Variants in INPP4B observed in about 807,000 individuals in gnomAD.
INPP4B encodes the protein inositol polyphosphate-4-phosphatase type II B.
A neutral mutation model predicts 122.5 loss-of-function variants in INPP4B; 55 were observed. The observed-to-expected ratio is 0.45, with a 90% CI of 0.36 to 0.56. INPP4B has a LOEUF of 0.56. Ranked by LOEUF, INPP4B falls within the 20% of genes least tolerant of loss-of-function variation. The probability of loss-of-function intolerance (pLI) is 0.00; values close to 1 mark genes in which losing one functional copy is unlikely to be tolerated. For synonymous variants in INPP4B, 403 were observed against 388.7 expected (o/e 1.04, Z -0.43); for missense variants, 1,000 against 1,097.7 (o/e 0.91, Z 1.26).
intron 23 of INPP4B, among the ~76,000 whole-genome samples, chr4:142,092,096 G>C (rs1049915520): frequency 2.6e-5 from 4 of 152,150 alleles, no homozygotes; most frequent in African/African-American, 9.7e-5. Flanking sequence ...ACTGTTTTAA[G>C]GATATGCAAG....
intron 9 of INPP4B, among the ~76,000 whole-genome samples, chr4:142,279,129 T>TA (rs1399124834): frequency 6.6e-6 from 1 of 151,870 alleles, no homozygotes; most frequent in Non-Finnish European, 1.5e-5. Context: ...AAACTATAAA[T>TA]ACTAATAAAA....
intron 3 of INPP4B, among the ~76,000 whole-genome samples, chr4:142,443,908 T>C (rs1348047435): frequency 6.6e-6 from 1 of 151,928 alleles, no homozygotes; most frequent in Non-Finnish European, 1.5e-5. Context: ...GATGAAAAAG[T>C]GTCAAAAGCA....
At chr4:142,362,053 A>G (rs1785602218) in intron 7 of INPP4B, among the ~76,000 whole-genome samples, 1 of 151,730 alleles carries the variant, frequency 6.6e-6, no homozygotes, top group South Asian at 2.1e-4. Flanking sequence ...TAAGTATGAC[A>G]CAGATGTTAG....
intron 8 of INPP4B, among the ~76,000 whole-genome samples, chr4:142,313,251 T>C (rs1766248054): frequency 6.6e-6 from 1 of 152,044 alleles, no homozygotes; most frequent in African/African-American, 2.4e-5. Context: ...CAAGGGGGAT[T>C]CAACACAAGA....
intron 3 of INPP4B, among the ~76,000 whole-genome samples, chr4:142,453,352 T>G (rs1814717400): frequency 6.6e-6 from 1 of 152,170 alleles, no homozygotes; most frequent in Admixed American, 6.6e-5. Context: ...CATCACAAAT[T>G]ATTAATTCCT....
chr4:142,554,452 T>C (rs910767363), intron 2 of INPP4B, among the ~76,000 whole-genome samples: 2 of 151,778 alleles, frequency 1.3e-5, no homozygotes, highest in African/African-American at 2.4e-5. Context: ...TCAGTAGGAA[T>C]ATAAAGCAAC....
At chr4:142,461,253 T>G (rs758158754) in intron 3 of INPP4B, among the ~76,000 whole-genome samples, 1 of 152,308 alleles carries the variant, frequency 6.6e-6, no homozygotes, top group East Asian at 1.9e-4. Flanking sequence ...TTACCCCAAG[T>G]CATTTGCCTT....
At chr4:142,356,175 A>G (rs1166523348) in intron 7 of INPP4B, among the ~76,000 whole-genome samples, 4 of 150,592 alleles carry the variant, frequency 2.7e-5, no homozygotes, top group African/African-American at 7.3e-5. Context: ...TTAATCTAGA[A>G]AATGTACAAA....
intron 2 of INPP4B, among the ~76,000 whole-genome samples, chr4:142,520,024 G>C (rs1373518112): frequency 6.6e-6 from 1 of 151,538 alleles, no homozygotes; most frequent in Non-Finnish European, 1.5e-5. Flanking sequence ...TGAAAATCTG[G>C]GTTCTAAATT....
At chr4:142,489,306 T>A (rs1041021917) in intron 2 of INPP4B, among the ~76,000 whole-genome samples, 1 of 152,192 alleles carries the variant, frequency 6.6e-6, no homozygotes, top group African/African-American at 2.4e-5. Flanking sequence ...GTGCTCTATA[T>A]GTACCTGAGA....
intron 1 of INPP4B, among the ~76,000 whole-genome samples, chr4:142,755,585 T>C (rs566983793): frequency 2.6e-5 from 4 of 152,178 alleles, no homozygotes; most frequent in African/African-American, 9.6e-5. Flanking sequence ...TGAGCAAGGA[T>C]GGAATACTCT....
chr4:142,288,852 C>T (rs1032274408), intron 9 of INPP4B, among the ~76,000 whole-genome samples: 5 of 152,036 alleles, frequency 3.3e-5, no homozygotes, highest in South Asian at 2.1e-4. Context: ...AATGAGACAA[C>T]GTGTACAAAC....
intron 11 of INPP4B, among the ~76,000 whole-genome samples, chr4:142,253,252 A>G (rs910761531): frequency 6.6e-6 from 1 of 152,190 alleles, no homozygotes; most frequent in Non-Finnish European, 1.5e-5. Flanking sequence ...AAGTCCTAGA[A>G]CATTACCACA....
At chr4:142,782,966 G>C (rs928700512) in intron 1 of INPP4B, among the ~76,000 whole-genome samples, 25 of 152,140 alleles carry the variant, frequency 1.6e-4, no homozygotes, top group African/African-American at 5.5e-4. Context: ...GCCATATGTA[G>C]AAAGCTGAAA....
intron 2 of INPP4B, among the ~76,000 whole-genome samples, chr4:142,704,688 G>A (rs1288935808): frequency 3.9e-5 from 6 of 152,050 alleles, no homozygotes; most frequent in East Asian, 3.9e-4. Flanking sequence ...CATCTTTCAC[G>A]TTCTTTTCTA....
chr4:142,258,090 C>T (rs1737410393), intron 11 of INPP4B, among the ~76,000 whole-genome samples: 1 of 151,788 alleles, frequency 6.6e-6, no homozygotes, highest in African/African-American at 2.4e-5. Context: ...CTGAGAAAAA[C>T]AAGCAATGGG....
At chr4:142,839,422 A>G (rs1783206357) in intron 1 of INPP4B, among the ~76,000 whole-genome samples, 1 of 152,128 alleles carries the variant, frequency 6.6e-6, no homozygotes, top group African/African-American at 2.4e-5. Flanking sequence ...CGACAGAGCA[A>G]GACTCCATCT....
In INPP4B at chr4:142,169,987, C is replaced by T. The variant is rs10006332; in HGVS notation, c.1359+3645G>A. Among the ~76,000 whole-genome samples, 835 of 151,736 alleles carry T rather than the reference C, an allele frequency of 5.5e-3. 7 individuals are homozygous for T. The highest frequency in any genetic ancestry group is 0.019 in the African/African-American group (792 of 41,488). On this transcript the variant is annotated intron_variant, in intron 16 of 25. Coordinates refer to ENST00000262992, the MANE Select transcript of INPP4B (RefSeq NM_001101669.3). ...CTATGAGAGATACGTGAACACTGTC[C>T]ACATTCAGGCCTTTAAAAACATTAT... is the stretch of plus-strand genomic sequence containing the variant.
chr4:142,031,026 TAA>T (rs1366908193), intron 25 of INPP4B, among the ~76,000 whole-genome samples: 1 of 152,072 alleles, frequency 6.6e-6, no homozygotes, highest in Non-Finnish European at 1.5e-5. Context: ...CCACAGAAAA[TAA>T]AAGACTTCAT....
Sources: gnomAD v4.1 joint callset for allele counts (sites outside exome capture counted in the v4.1 genomes callset) on GRCh38, gnomAD v4.1.1 for gene constraint, MANE v1.5 for transcripts, NCBI Gene and HGNC (gene_info 2026-07-23, HGNC 2026-07-21) for gene names.